Variants in ADAM33 observed in about 807,000 individuals in gnomAD.
ADAM33 encodes the protein disintegrin and metalloproteinase domain-containing protein 33.
ADAM33 carries 103 observed loss-of-function variants against 106.2 expected under a neutral mutation model. The ratio of observed to expected loss-of-function variants is 0.97; its 90% CI spans 0.83 to 1.14. The LOEUF is 1.14. Ranked by LOEUF, ADAM33 falls within the 50% of genes most tolerant of loss-of-function variation. ADAM33 has a pLI of 0.00. For missense variants in ADAM33, 1,120 were observed against 1,096.6 expected, an observed-to-expected ratio of 1.02 and a Z score of -0.30; for synonymous variants, 483 against 453.0, an observed-to-expected ratio of 1.07 and a Z score of -0.84.
chr20:3,681,263 C>T (rs1600262489), intron 1 of ADAM33, among the ~76,000 whole-genome samples: 1 of 152,338 alleles, frequency 6.6e-6, no homozygotes, highest in African/African-American at 2.4e-5. Context: ...GGGGTTACCC[C>T]GAGGAGACAG....
At chr20:3,673,162 T>C in intron 11 of ADAM33, 192 bp downstream of exon 11, 1 of 1,499,752 alleles carries the variant, frequency 6.7e-7, no homozygotes, top group Non-Finnish European at 8.9e-7. Flanking sequence ...CGGAAAATAA[T>C]CTTCATACCG....
chr20:3,679,187 C>T (rs2088238301), intron 2 of ADAM33, among the ~76,000 whole-genome samples: 1 of 135,680 alleles, frequency 7.4e-6, no homozygotes, highest in East Asian at 2.2e-4. Flanking sequence ...GACCCACAAA[C>T]TCTGGACCCA....
At chr20:3,679,704 C>T (rs1364923194) in intron 1 of ADAM33, 133 bp from the exon 2 acceptor site, 3 of 697,984 alleles carry the variant, frequency 4.3e-6, no homozygotes, top group Non-Finnish European at 7.3e-6. Context: ...TCACCTTCAA[C>T]ACGCGTGGGC....
chr20:3,669,731 G>C lies in ADAM33; in HGVS notation c.2241-94C>G, dbSNP rs751511324. ...CATGGTGTCCAGCCCAGGGAGTTCT[G>C]CGTTTACTGAGTTTCTTGGGGCACC... On this transcript the variant is annotated intron_variant, in intron 19 of 21. Coordinates refer to ENST00000356518, the MANE Select transcript of ADAM33 (RefSeq NM_025220.5). 2.5e-5 allele frequency: 30 copies of C among 1,177,416 alleles called. No individual in the cohort carries two copies. In the Admixed American group the frequency reaches 3.6e-4, roughly 14 times the overall value. 72.9% of individuals were successfully genotyped at this position (1,177,416 alleles called of 1,614,324 possible).
chr20:3,669,558 G>A lies in ADAM33; in HGVS notation c.2320C>T (p.Pro774Ser), dbSNP rs2280090. The A allele has an allele frequency of 0.13, 213,894 of 1,593,874 alleles. 14,779 individuals carry two copies. The highest frequency in any genetic ancestry group is 0.2 in the Middle Eastern group (1,210 of 5,948). ...MELGPTATGQ[P>S]WPLDPENSHE... ...GTGCCTCACTCACCCAGGGGCCAGG[G>A]CTGTCCAGTGGCTGTGGGGCCCAAC... Residue 774 changes from proline to serine, a missense_variant, in exon 20 of 22, where the codon CCC (proline) becomes TCC (serine). By Grantham distance (74) the Pro-to-Ser change is moderately conservative. Coordinates refer to ENST00000356518, the MANE Select transcript of ADAM33 (RefSeq NM_025220.5).
intron 21 of ADAM33, 88 bp from the exon 22 acceptor site, chr20:3,669,088 G>T: frequency 6.8e-7 from 1 of 1,469,882 alleles, no homozygotes; most frequent in Non-Finnish European, 9.5e-7. Context: ...CACTCAGTGA[G>T]GACCAGTGAT....
At position 3,668,529 on chromosome 20, in the gene ADAM33, C is replaced by T. The variant is rs11905233; in HGVS notation, c.*434G>A. On this transcript the variant is annotated 3_prime_UTR_variant, in exon 22 of 22. Coordinates refer to ENST00000356518, the MANE Select transcript of ADAM33 (RefSeq NM_025220.5). ...CAGCCAGGCTCCAGGGGAGTGTGGA[C>T]TCAGTCGAACCATAGGGCCCCAGGA... 1,419 of 217,508 alleles carry T rather than the reference C, an allele frequency of 6.5e-3. 19 individuals are homozygous for T. The highest frequency in any genetic ancestry group is 0.028 in the African/African-American group (1,250 of 44,240). 13.5% of individuals were successfully genotyped at this position (217,508 alleles called of 1,614,324 possible).
At chr20:3,676,594 C>T (rs913819508) in intron 3 of ADAM33, among the ~76,000 whole-genome samples, 12 of 152,046 alleles carry the variant, frequency 7.9e-5, no homozygotes, top group South Asian at 2.1e-4. Flanking sequence ...GCCGCCACCA[C>T]GCCTGGCTAA....
Position 3,669,615 on chromosome 20 carries a change from C to T in ADAM33, c.2263G>A (p.Asp755Asn). 1.2e-6 allele frequency: 2 copies of T among 1,602,626 alleles called. No homozygotes were observed. The highest frequency in any genetic ancestry group is 8.5e-7 in the Non-Finnish European group (1 of 1,175,656). ...CSGPKDGPHRDHPLGGVHPME... is the reference protein window; with the variant it reads ...CSGPKDGPHRNHPLGGVHPME... ...GGGTGAACGCCGCCCAGGGGGTGGT[C>T]CCTGTGTGGGCCATCTTTGGGGCTG... is the stretch of plus-strand genomic sequence containing the variant. The change falls in exon 20 of 22, where the codon GAC (aspartate) becomes AAC (asparagine). Residue 755 changes from aspartate to asparagine, a missense_variant. By Grantham distance (23) the Asp-to-Asn change is conservative. Coordinates refer to ENST00000356518, the MANE Select transcript of ADAM33 (RefSeq NM_025220.5).
chr20:3,679,608 G>A (rs1473956535), intron 1 of ADAM33, 37 bp from the exon 2 acceptor site: 3 of 1,563,680 alleles, frequency 1.9e-6, no homozygotes, highest in Non-Finnish European at 2.6e-6. Context: ...AGGGGGACCT[G>A]AGGAACACAG....
chr20:3,669,466 TGC>T, intron 20 of ADAM33, 78 bp downstream of exon 20: 1 of 1,544,766 alleles, frequency 6.5e-7, no homozygotes, highest in Non-Finnish European at 8.7e-7. Flanking sequence ...GACTGGGTGC[TGC>T]CCATCTGGAA....
chr20:3,673,511 G>T lies in ADAM33; in HGVS notation c.991-15C>A. On this transcript the variant is annotated splice_polypyrimidine_tract_variant and intron_variant, in intron 10 of 21. Coordinates refer to ENST00000356518, the MANE Select transcript of ADAM33 (RefSeq NM_025220.5). ...TCCGAGTGGTCCTGGGGGGCCGTGGGAGGGCGGTCACTGCGGCCGTAGAGC... is the reference window on the plus strand; with the variant it reads ...TCCGAGTGGTCCTGGGGGGCCGTGGTAGGGCGGTCACTGCGGCCGTAGAGC... The T allele has an allele frequency of 6.8e-7, 1 of 1,475,602 alleles. No individual in the cohort carries two copies. The allele number at this position is 1,475,602 out of a possible 1,614,324, so 91.4% of individuals were successfully genotyped here. A position where few individuals can be genotyped will look rare whatever the true frequency, so the allele number is the denominator to read the frequency against.
intron 1 of ADAM33, among the ~76,000 whole-genome samples, chr20:3,680,584 T>G (rs1236859287): frequency 6.6e-6 from 1 of 152,178 alleles, no homozygotes; most frequent in East Asian, 1.9e-4. Context: ...GAGAGGAGTC[T>G]GCCACCTTGG....
chr20:3,679,375 AGTAGTG>A (rs2146465402), intron 2 of ADAM33, 111 bp downstream of exon 2: 1 of 1,020,620 alleles, frequency 9.8e-7, no homozygotes, highest in Non-Finnish European at 1.5e-6. Flanking sequence ...GGCCTATAGG[AGTAGTG>A]ACTTGGTGGT....
chr20:3,677,946 A>C (rs2088122213), intron 2 of ADAM33, among the ~76,000 whole-genome samples: 1 of 152,158 alleles, frequency 6.6e-6, no homozygotes. Flanking sequence ...GCGCCTTCGG[A>C]ATGTTTAACC....
At chr20:3,670,683 T>C in intron 19 of ADAM33, 1 of 336,116 alleles carries the variant, frequency 3.0e-6, no homozygotes, top group South Asian at 5.6e-5. Context: ...GGGACTGCAA[T>C]CTGAGCCAGG....
intron 1 of ADAM33, 121 bp downstream of exon 1, chr20:3,681,787 C>G (rs893588404): frequency 7.2e-7 from 1 of 1,382,162 alleles, no homozygotes; most frequent in African/African-American, 1.5e-5. Context: ...ACCTACTGGC[C>G]GTATGGTGCC....
rs1296695595 is a variant in ADAM33, at chr20:3,673,903, C to A, written c.747G>T (p.Arg249Ser). The A allele has an allele frequency of 3.2e-6, 5 of 1,567,610 alleles. No homozygotes were observed. Reference sequence around the variant, plus strand: ...TCAGCGCCACCTGAATGTCCAGAGTCCTGAGAAGCTGAGGGCGAGGCGGGG... The same window carrying A: ...TCAGCGCCACCTGAATGTCCAGAGTACTGAGAAGCTGAGGGCGAGGCGGGG... Reference protein sequence around the residue: ...EVANYVDQLLRTLDIQVALTG... With the variant: ...EVANYVDQLLSTLDIQVALTG... The change falls in exon 9 of 22, where the codon AGG (arginine) becomes AGT (serine). Residue 249 changes from arginine (R) to serine (S), a missense_variant. Coordinates refer to ENST00000356518, the MANE Select transcript of ADAM33 (RefSeq NM_025220.5).
In ADAM33 at chr20:3,671,342, A is replaced by T; in HGVS notation, c.1987T>A (p.Cys663Ser). ...CLTACHSHGV[C>S]NSNHNCHCAP... Reference sequence around the variant, plus strand: ...CAGTGGCAGTTATGGTTGCTATTGCAAACCTGCAGAGAAGAGAAGAGGAGG... The same window carrying T: ...CAGTGGCAGTTATGGTTGCTATTGCTAACCTGCAGAGAAGAGAAGAGGAGG... Residue 663 changes from cysteine (C) to serine (S), a missense_variant, in exon 18 of 22, where the codon TGC becomes AGC. Cys to Ser is a moderately radical substitution (Grantham distance 112). Coordinates refer to ENST00000356518, the MANE Select transcript of ADAM33 (RefSeq NM_025220.5). 8 of 1,613,670 alleles carry T rather than the reference A, an allele frequency of 5.0e-6. No homozygotes were observed. The highest frequency in any genetic ancestry group is 6.8e-6 in the Non-Finnish European group (8 of 1,179,798).
Sources: gnomAD v4.1 joint callset for allele counts (sites outside exome capture counted in the v4.1 genomes callset) on GRCh38, gnomAD v4.1.1 for gene constraint, MANE v1.5 for transcripts, NCBI Gene and HGNC (gene_info 2026-07-23, HGNC 2026-07-21) for gene names.